SLC7A8: variants seen among roughly 807,000 people sequenced by gnomAD.
SLC7A8 encodes the protein large neutral amino acids transporter small subunit 2.
A neutral mutation model predicts 51.2 loss-of-function variants in SLC7A8; 30 were observed. The observed-to-expected ratio is 0.59, with a 90% CI of 0.44 to 0.80. The LOEUF is 0.80. Among genes scored for constraint, SLC7A8 ranks in the 30% least tolerant of loss-of-function variants. The pLI, the probability that SLC7A8 is intolerant of heterozygous loss-of-function variation, is 0.00. For synonymous variants in SLC7A8, 257 were observed against 275.8 expected, an observed-to-expected ratio of 0.93 and a Z score of 0.67; for missense variants, 612 against 674.4, an observed-to-expected ratio of 0.91 and a Z score of 1.03.
intron 3 of SLC7A8, among the ~76,000 whole-genome samples, chr14:23,149,399 G>A (rs1315709975): frequency 1.3e-5 from 2 of 152,062 alleles, no homozygotes; most frequent in African/African-American, 4.8e-5. Context: ...ACCCAGATAC[G>A]CAAACACTGG....
intron 7 of SLC7A8, 71 bp downstream of exon 7, chr14:23,137,850 C>T: frequency 6.4e-7 from 1 of 1,573,346 alleles, no homozygotes; most frequent in Non-Finnish European, 8.6e-7. Flanking sequence ...AGAGACAAGC[C>T]CACCATATAC....
intron 10 of SLC7A8, 77 bp downstream of exon 10, chr14:23,127,942 G>T: frequency 1.5e-6 from 2 of 1,330,364 alleles, no homozygotes; most frequent in Non-Finnish European, 2.1e-6. Flanking sequence ...GGCCCTGGTG[G>T]CTCCCCAACC....
At chr14:23,149,993 T>C (rs2048832303) in intron 3 of SLC7A8, among the ~76,000 whole-genome samples, 1 of 152,202 alleles carries the variant, frequency 6.6e-6, no homozygotes, top group African/African-American at 2.4e-5. Context: ...GTACACTCTA[T>C]GATGTTTGCA....
Position 23,163,831 on chromosome 14 carries a change from A to T in SLC7A8, c.508+1454T>A, listed in dbSNP as rs868108806. ...ACCCCAATCCATTGAGATGACTAAT[A>T]TCAGAGATAAAGCTTTGAGACTTCC... On this transcript the variant is annotated intron_variant, in intron 3 of 10. Coordinates refer to ENST00000316902, the MANE Select transcript of SLC7A8 (RefSeq NM_012244.4). 2.0e-5 allele frequency among the ~76,000 whole-genome samples: 3 copies of T among 152,320 alleles called. No individual in the cohort carries two copies. In the South Asian group the frequency reaches 6.2e-4, roughly 32 times the overall value.
chr14:23,165,267 G>C lies in SLC7A8; in HGVS notation c.508+18C>G. 6.2e-7 allele frequency: 1 copy of C among 1,601,980 alleles called. No individual in the cohort carries two copies. The highest frequency in any genetic ancestry group is 8.5e-7 in the Non-Finnish European group (1 of 1,175,460). On this transcript the variant is annotated intron_variant, in intron 3 of 10. Transcript: ENST00000316902. This position sits in a 1 kb window ranked among gnomAD's most constrained non-coding sequence, Gnocchi z 4.2. ...ATAAAAGAGGCTGTCTTGCTACCAA[G>C]ACCCAGATGACACTTACATAAGCAG...
At chr14:23,133,376 G>C (rs1366927588) in intron 7 of SLC7A8, among the ~76,000 whole-genome samples, 1 of 150,538 alleles carries the variant, frequency 6.6e-6, no homozygotes, top group Admixed American at 6.6e-5. Context: ...GGGAGGCTGA[G>C]GCTGCAGTGA....
At chr14:23,172,773 C>A (rs2048981238) in intron 1 of SLC7A8, among the ~76,000 whole-genome samples, 1 of 152,222 alleles carries the variant, frequency 6.6e-6, no homozygotes, top group South Asian at 2.1e-4. Flanking sequence ...CACTGCTAAA[C>A]ATCCTACAAT....
At position 23,155,347 on chromosome 14, in the gene SLC7A8, A is replaced by G. The variant is rs1037424027; in HGVS notation, c.508+9938T>C. The G allele has an allele frequency of 2.7e-5, 42 of 1,530,718 alleles. No homozygotes were observed. The Middle Eastern group carries it at 1.3e-3, about 46-fold the overall frequency. 94.8% of individuals were successfully genotyped at this position (1,530,718 alleles called of 1,614,324 possible). ...AACACTTCCAGCTAAGCTCCTGCCCATACTGCCCCATCCCCTCCCCTCCTC... is the reference window on the plus strand; with the variant it reads ...AACACTTCCAGCTAAGCTCCTGCCCGTACTGCCCCATCCCCTCCCCTCCTC... On this transcript the variant is annotated intron_variant, in intron 3 of 10. Coordinates refer to ENST00000316902, the MANE Select transcript of SLC7A8 (RefSeq NM_012244.4).
At chr14:23,157,284 A>AT (rs2048898902) in intron 3 of SLC7A8, among the ~76,000 whole-genome samples, 1 of 152,214 alleles carries the variant, frequency 6.6e-6, no homozygotes, top group African/African-American at 2.4e-5. Flanking sequence ...TGCCAAATGC[A>AT]TCTACTTTTC....
chr14:23,144,434 G>T (rs1010219890), intron 3 of SLC7A8, among the ~76,000 whole-genome samples: 2 of 149,256 alleles, frequency 1.3e-5, no homozygotes, highest in African/African-American at 5.0e-5. Flanking sequence ...ATGATGTTGA[G>T]CAACTCTTCA....
chr14:23,155,540 C>T, intron 3 of SLC7A8: 2 of 1,253,226 alleles, frequency 1.6e-6, no homozygotes, highest in Non-Finnish European at 2.0e-6. Context: ...TCAGCATGAG[C>T]TAAACATGGC....
In SLC7A8 at chr14:23,128,287, C is replaced by T; in HGVS notation, c.1264-91G>A. On this transcript the variant is annotated intron_variant, in intron 9 of 10. Coordinates refer to ENST00000316902, the MANE Select transcript of SLC7A8 (RefSeq NM_012244.4). This position sits in a 1 kb window ranked among gnomAD's most constrained non-coding sequence, Gnocchi z 4.3. Reference sequence around the variant, plus strand: ...GGGCATTCTCTCTCTTCTTCACCCACAGAGACACATCCTCAAGGGCAAAGG... The same window carrying T: ...GGGCATTCTCTCTCTTCTTCACCCATAGAGACACATCCTCAAGGGCAAAGG... The T allele has an allele frequency of 1.9e-6, 3 of 1,568,832 alleles. No individual in the cohort carries two copies. Among genetic ancestry groups the T allele is most frequent in the South Asian group, 1.2e-5 (1 of 85,534 alleles).
intron 1 of SLC7A8, among the ~76,000 whole-genome samples, chr14:23,174,452 G>A (rs568161110): frequency 6.6e-6 from 1 of 152,212 alleles, no homozygotes; most frequent in Non-Finnish European, 1.5e-5. Context: ...CTAATGCTGA[G>A]GATATTTAAA....
chr14:23,156,085 G>A (rs891629716), intron 3 of SLC7A8, among the ~76,000 whole-genome samples: 1 of 150,928 alleles, frequency 6.6e-6, no homozygotes, highest in African/African-American at 2.4e-5. Context: ...CGCAACCTCT[G>A]CCTCCCGGGT....
intron 2 of SLC7A8, among the ~76,000 whole-genome samples, 171 bp downstream of exon 2, chr14:23,166,165 G>A (rs2048948874): frequency 6.6e-6 from 1 of 152,116 alleles, no homozygotes; most frequent in Non-Finnish European, 1.5e-5. Flanking sequence ...GGGGATACAA[G>A]GCTACACTAG....
In SLC7A8 at chr14:23,182,832, C is replaced by G. The variant is rs1183311406; in HGVS notation, c.83G>C (p.Gly28Ala). ...GGESDASPEA[G>A]SGGGGVALKK... ...CAGGGCTACTCCGCCCCCTCCGGAA[C>G]CAGCCTCGGGGCTGGCGTCCGACTC... Residue 28 changes from glycine to alanine, a missense_variant, in exon 1 of 11, where the codon GGT (glycine) becomes GCT (alanine). Transcript: ENST00000316902. 4 of 1,613,822 alleles carry G rather than the reference C, an allele frequency of 2.5e-6. No homozygotes were observed. The highest frequency in any genetic ancestry group is 1.1e-5 in the South Asian group (1 of 91,070).
chr14:23,133,440 C>CA (rs10577714), intron 7 of SLC7A8, among the ~76,000 whole-genome samples: 1,010 of 93,082 alleles, frequency 0.011, 19 homozygotes, highest in African/African-American at 0.031. Flanking sequence ...GAACCTGTCT[C>CA]AAAAAAAAAA....
chr14:23,138,534 T>TC (rs5807206), intron 6 of SLC7A8, among the ~76,000 whole-genome samples: 143,556 of 152,242 alleles, frequency 0.94, 68,229 homozygotes, highest in East Asian at 1. Flanking sequence ...AGCCTCTGTC[T>TC]CCAACTGCAA....
In SLC7A8 at chr14:23,143,116, G is replaced by A; in HGVS notation, c.597C>T (p.Ala199=). Residue 199 remains alanine (A), a synonymous_variant, in exon 4 of 11, where the codon GCC becomes GCT. Coordinates refer to ENST00000316902, the MANE Select transcript of SLC7A8 (RefSeq NM_012244.4). ...GTACAATCCCCATGATGATAATCAG[G>A]GCCAAGGCCAGGAGCTTCCCAGCTG... ...IFTAGKLLAL[A]LIIIMGIVQI... 6.2e-7 allele frequency: 1 copy of A among 1,614,178 alleles called. No individual in the cohort carries two copies. The highest frequency in any genetic ancestry group is 8.5e-7 in the Non-Finnish European group (1 of 1,180,024).
Sources: gnomAD v4.1 joint callset for allele counts (sites outside exome capture counted in the v4.1 genomes callset) on GRCh38, gnomAD v4.1.1 for gene constraint, Gnocchi (gnomAD v3.1) non-coding constraint, MANE v1.5 for transcripts, NCBI Gene and HGNC (gene_info 2026-07-23, HGNC 2026-07-21) for gene names.